The following IQSEC1 variants were observed in gnomAD, a reference collection of about 807,000 sequenced individuals.
The protein encoded by IQSEC1 is IQ motif and Sec7 domain ArfGEF 1.
A neutral mutation model predicts 91.0 loss-of-function variants in IQSEC1; 31 were observed. That is an observed-to-expected ratio of 0.34 (90% CI 0.26 to 0.46). The LOEUF (loss-of-function observed/expected upper bound fraction) is 0.46, where lower values mean the gene tolerates loss of function less well. IQSEC1 is among the 20% of genes least tolerant of loss of function. IQSEC1 has a pLI of 1.00. For missense variants in IQSEC1, 1,388 were observed against 1,575.6 expected, an observed-to-expected ratio of 0.88 and a Z score of 2.02; for synonymous variants, 699 against 662.6, an observed-to-expected ratio of 1.05 and a Z score of -0.84.
chr3:13,070,913 A>G (rs946258680), intron 1 of IQSEC1, among the ~76,000 whole-genome samples: 2 of 152,354 alleles, frequency 1.3e-5, no homozygotes, highest in East Asian at 3.9e-4. Context: ...TGGGCCCCCA[A>G]CAGATTGAAG....
intron 3 of IQSEC1, among the ~76,000 whole-genome samples, chr3:12,931,563 G>C (rs558560355): frequency 1.3e-5 from 2 of 152,356 alleles, no homozygotes; most frequent in South Asian, 4.1e-4. Flanking sequence ...TTTTATCAAT[G>C]ACAGCAGACA....
intron 1 of IQSEC1, among the ~76,000 whole-genome samples, chr3:13,200,393 C>T (rs17037876): frequency 2.6e-5 from 4 of 152,222 alleles, no homozygotes; most frequent in African/African-American, 7.2e-5. Context: ...TCACTGACTT[C>T]GACTTGAGCG....
At chr3:13,073,466 C>A (rs570167849), upstream of IQSEC1, among the ~76,000 whole-genome samples, 4 of 152,180 alleles carry the variant, frequency 2.6e-5, no homozygotes, top group African/African-American at 9.6e-5. Flanking sequence ...TCCCCCACCC[C>A]CCGCGCCCAA....
At position 12,935,726 on chromosome 3, in the gene IQSEC1, G is replaced by A. The variant is rs1241354618; in HGVS notation, c.1290C>T (p.Pro430=). ...EPELRPRPPR[P]LDSHLAINGS... ...CATTGATGGCCAAGTGGCTGTCCAG[G>A]GGCCTGGGGGGCCGGGGCCGCAACT... is the stretch of plus-strand genomic sequence containing the variant. The change falls in exon 3 of 14, where the codon CCC becomes CCT. Residue 430 remains proline, a synonymous_variant. Coordinates refer to ENST00000613206, the MANE Select transcript of IQSEC1 (RefSeq NM_001134382.3). This position sits in a 1 kb window ranked among gnomAD's most constrained non-coding sequence, Gnocchi z 8.0. 6.2e-7 allele frequency: 1 copy of A among 1,612,190 alleles called. No homozygotes were observed. Among genetic ancestry groups the A allele is most frequent in the Non-Finnish European group, 8.5e-7 (1 of 1,179,928 alleles).
intron 1 of IQSEC1, among the ~76,000 whole-genome samples, chr3:13,192,073 C>T (rs566577399): frequency 2.6e-4 from 40 of 152,252 alleles, no homozygotes; most frequent in African/African-American, 9.1e-4. Flanking sequence ...CGGTGGCTCA[C>T]GCCTGTAATC....
At chr3:13,019,851 C>T (rs1359094608) in intron 1 of IQSEC1, among the ~76,000 whole-genome samples, 1 of 152,222 alleles carries the variant, frequency 6.6e-6, no homozygotes, top group Non-Finnish European at 1.5e-5. Context: ...CACTTGACAG[C>T]CACAAAGCCT....
At position 12,970,321 on chromosome 3, in the gene IQSEC1, C is replaced by T. The variant is rs562330387; in HGVS notation, c.24-28456G>A. Among the ~76,000 whole-genome samples, 15 of 152,222 alleles carry T rather than the reference C, an allele frequency of 9.9e-5. No individual in the cohort carries two copies. The South Asian group carries it at 1.9e-3, about 19-fold the overall frequency. ...TGGACCTTGAGGGATGAGGAGGGCC[C>T]CATGTATGGGGTCACAGGATGTAAA... On this transcript the variant is annotated intron_variant, in intron 1 of 13. Coordinates refer to ENST00000613206, the MANE Select transcript of IQSEC1 (RefSeq NM_001134382.3). This position sits in a 1 kb window ranked among gnomAD's most constrained non-coding sequence, Gnocchi z 4.4.
chr3:12,923,416 C>G (rs1380135883), intron 4 of IQSEC1, among the ~76,000 whole-genome samples: 2 of 152,168 alleles, frequency 1.3e-5, no homozygotes, highest in African/African-American at 4.8e-5. Flanking sequence ...AGTAGCCACC[C>G]TAACGATACA....
At chr3:13,218,386 G>A (rs1694589775) in intron 1 of IQSEC1, among the ~76,000 whole-genome samples, 1 of 152,214 alleles carries the variant, frequency 6.6e-6, no homozygotes. Flanking sequence ...ATAGGTGTGT[G>A]CATGAATGAG....
intron 1 of IQSEC1, among the ~76,000 whole-genome samples, chr3:13,038,943 A>T (rs1704148764): frequency 6.6e-6 from 1 of 152,262 alleles, no homozygotes; most frequent in Admixed American, 6.5e-5. Context: ...ACACCAAACA[A>T]GAGGGACTGT....
chr3:13,001,336 A>G (rs1427223335), intron 1 of IQSEC1, among the ~76,000 whole-genome samples: 5 of 152,118 alleles, frequency 3.3e-5, no homozygotes, highest in Non-Finnish European at 7.4e-5. Flanking sequence ...GAGGTTGGAC[A>G]TTTCATGTTC....
rs1198040261 is a variant in IQSEC1, at chr3:12,897,913, G to T, written c.*3070C>A. The T allele has an allele frequency of 6.6e-6, 1 of 152,168 alleles. No individual in the cohort carries two copies. Among genetic ancestry groups the T allele is most frequent in the African/African-American group, 2.4e-5 (1 of 41,418 alleles). The allele number at this position is 152,168 out of a possible 1,614,324, so 9.4% of individuals were successfully genotyped here. On this transcript the variant is annotated 3_prime_UTR_variant, in exon 14 of 14. Coordinates refer to ENST00000613206, the MANE Select transcript of IQSEC1 (RefSeq NM_001134382.3). ...GGATGAACTTTATTTTTACATTGTT[G>T]TACAATTCATTGGTAAACTTAAAAA...
intron 1 of IQSEC1, among the ~76,000 whole-genome samples, chr3:13,229,844 G>A (rs560072416): frequency 3.9e-5 from 6 of 152,270 alleles, no homozygotes; most frequent in African/African-American, 1.2e-4. Flanking sequence ...GTGTGAACTT[G>A]GGCAAGTGAC....
Position 12,936,050 on chromosome 3 carries a change from A to G in IQSEC1, c.966T>C (p.Ala322=). ...SSTESDLRLR[A]GGAAPDYWAL... ...CCCAGTAGTCTGGGGCTGCGCCCCC[A>G]GCCCGTAGCCGCAGGTCCGACTCGG... The change falls in exon 3 of 14, where the codon GCT becomes GCC. Residue 322 remains alanine, a synonymous_variant. Transcript: ENST00000613206. 7 of 1,604,998 alleles carry G rather than the reference A, an allele frequency of 4.4e-6. No homozygotes were observed. In the South Asian group the frequency reaches 7.7e-5, roughly 18 times the overall value.
intron 1 of IQSEC1, among the ~76,000 whole-genome samples, chr3:13,220,468 G>A (rs370706972): frequency 1.3e-5 from 2 of 152,202 alleles, no homozygotes; most frequent in East Asian, 1.9e-4. Flanking sequence ...CCCGCTCTGT[G>A]GCCATCATCT....
At chr3:13,161,582 C>T (rs915624648) in intron 2 of IQSEC1, among the ~76,000 whole-genome samples, 5 of 152,168 alleles carry the variant, frequency 3.3e-5, no homozygotes, top group African/African-American at 1.2e-4. Flanking sequence ...GCAGCCAAGT[C>T]GTCAGCTGCA....
intron 1 of IQSEC1, among the ~76,000 whole-genome samples, chr3:12,954,427 T>C (rs1007705955): frequency 1.3e-5 from 2 of 152,222 alleles, no homozygotes; most frequent in Non-Finnish European, 1.5e-5. Context: ...AGCCCAGGGC[T>C]GGGAGAGGCC....
intron 1 of IQSEC1, among the ~76,000 whole-genome samples, chr3:12,972,519 G>A (rs1157799888): frequency 1.3e-5 from 2 of 152,218 alleles, no homozygotes; most frequent in Non-Finnish European, 2.9e-5. Context: ...GACTGGTGGT[G>A]TAGCACATTT....
At chr3:13,228,940 A>G (rs1386463591) in intron 1 of IQSEC1, among the ~76,000 whole-genome samples, 1 of 152,180 alleles carries the variant, frequency 6.6e-6, no homozygotes, top group Non-Finnish European at 1.5e-5. Context: ...GGCACCTAGG[A>G]CAATCTCTCA....
Sources: gnomAD v4.1 joint callset for allele counts (sites outside exome capture counted in the v4.1 genomes callset) on GRCh38, gnomAD v4.1.1 for gene constraint, Gnocchi (gnomAD v3.1) non-coding constraint, MANE v1.5 for transcripts, NCBI Gene and HGNC (gene_info 2026-07-23, HGNC 2026-07-21) for gene names.